SOX6: variants seen among roughly 807,000 people sequenced by gnomAD.
SOX6 encodes the protein transcription factor SOX-6.
In SOX6, 11 loss-of-function variants were observed where a neutral mutation model predicts 97.8. The observed-to-expected ratio is 0.11, with a 90% CI of 0.07 to 0.19. SOX6 has a LOEUF of 0.19. Ranked by LOEUF, SOX6 falls within the 10% of genes least tolerant of loss-of-function variation. The pLI, the probability that SOX6 is intolerant of heterozygous loss-of-function variation, is 1.00. For synonymous variants in SOX6, 360 were observed against 371.4 expected (o/e 0.97, Z 0.35); for missense variants, 810 against 1,039.5 (o/e 0.78, Z 3.04).
intron 4 of SOX6, among the ~76,000 whole-genome samples, chr11:16,590,066 G>A (rs184294724): frequency 3.3e-5 from 5 of 152,262 alleles, no homozygotes; most frequent in South Asian, 2.1e-4. Flanking sequence ...TCAGCACTGC[G>A]TAATGCAAAA....
At chr11:16,446,295 G>A (rs1859609823) in intron 1 of SOX6, among the ~76,000 whole-genome samples, 1 of 152,016 alleles carries the variant, frequency 6.6e-6, no homozygotes, top group Non-Finnish European at 1.5e-5. Context: ...GAAAGAGACA[G>A]AAAGTAGGAG....
chr11:16,702,212 T>A (rs924347075), intron 3 of SOX6, among the ~76,000 whole-genome samples: 1 of 152,120 alleles, frequency 6.6e-6, no homozygotes, highest in Non-Finnish European at 1.5e-5. Context: ...TACCAACAAT[T>A]TAGGCAGCTG....
intron 3 of SOX6, among the ~76,000 whole-genome samples, chr11:16,636,894 C>T (rs1848798025): frequency 6.6e-6 from 1 of 152,192 alleles, no homozygotes; most frequent in African/African-American, 2.4e-5. Context: ...TTCCTGAGGC[C>T]TACCCAGCTC....
At chr11:16,386,976 A>C (rs1858006490) in intron 1 of SOX6, among the ~76,000 whole-genome samples, 1 of 152,190 alleles carries the variant, frequency 6.6e-6, no homozygotes, top group Non-Finnish European at 1.5e-5. Flanking sequence ...AAAATTATAC[A>C]AAAGGTAAAA....
At chr11:16,650,072 C>A (rs1038565017) in intron 3 of SOX6, among the ~76,000 whole-genome samples, 2 of 152,050 alleles carry the variant, frequency 1.3e-5, no homozygotes, top group Admixed American at 1.3e-4. Flanking sequence ...AATAGTCCAA[C>A]AGGAAAATAT....
Position 16,045,905 on chromosome 11 carries a change from ATT to A in SOX6, c.1623+607_1623+608del, listed in dbSNP as rs200901080. The stretch of plus-strand genomic sequence containing the variant: ...CATTACATTTTCTATTTAATTGTTT[ATT>A]TCTTCATTGTCTGTGTTCTCCTATT... On this transcript the variant is annotated intron_variant, in intron 12 of 15. Coordinates refer to ENST00000683767, the MANE Select transcript of SOX6 (RefSeq NM_001367873.1). Among the ~76,000 whole-genome samples, 262 of 152,118 alleles carry A rather than the reference ATT, an allele frequency of 1.7e-3. 2 individuals are homozygous for A. In the East Asian group the frequency reaches 0.045, roughly 26 times the overall value.
rs1380796809 is a variant in SOX6 at position 16,300,558 on chromosome 11, G to C, written c.445+17888C>G. On this transcript the variant is annotated intron_variant, in intron 3 of 15. Transcript: ENST00000683767. This position sits in a 1 kb window ranked among gnomAD's most constrained non-coding sequence, Gnocchi z 4.1. ...CTTTTACAAGTGAGGTGACTATTCA[G>C]TCTAATGCAATCCTCTCAGTGCTGG... 6.6e-6 allele frequency among the ~76,000 whole-genome samples: 1 copy of C among 152,150 alleles called. No individual in the cohort carries two copies. The highest frequency in any genetic ancestry group is 6.5e-5 in the Admixed American group (1 of 15,272).
intron 2 of SOX6, among the ~76,000 whole-genome samples, chr11:16,728,435 A>G (rs991406687): frequency 2.0e-5 from 3 of 152,228 alleles, no homozygotes; most frequent in African/African-American, 7.2e-5. Context: ...AGCCAGGCAA[A>G]CAGGGTCTGG....
At position 16,055,976 on chromosome 11, in the gene SOX6, A is replaced by G. The variant is rs956060430; in HGVS notation, c.1102-75T>C. 4.4e-5 allele frequency: 67 copies of G among 1,505,986 alleles called. No individual in the cohort carries two copies. The African/African-American group carries it at 7.4e-4, about 17-fold the overall frequency. The allele number at this position is 1,505,986 out of a possible 1,614,324, so 93.3% of individuals were successfully genotyped here. ...TGAGTTTCAAAAGAAAAAACTTACC[A>G]TATTGTTAGATTTCTCAGACAGCCT... On this transcript the variant is annotated intron_variant, in intron 9 of 15. Coordinates refer to ENST00000683767, the MANE Select transcript of SOX6 (RefSeq NM_001367873.1).
At chr11:16,033,176 C>T (rs1232868998) in intron 12 of SOX6, among the ~76,000 whole-genome samples, 1 of 152,168 alleles carries the variant, frequency 6.6e-6, no homozygotes, top group Non-Finnish European at 1.5e-5. Context: ...TCCTACCTAA[C>T]GCTCTGTGAC....
chr11:16,058,751 C>T (rs985229009), intron 9 of SOX6, among the ~76,000 whole-genome samples: 2 of 152,048 alleles, frequency 1.3e-5, no homozygotes, highest in South Asian at 2.1e-4. Flanking sequence ...CACCATGGCA[C>T]ATCACTCATT....
chr11:16,528,695 A>C (rs1861200474), intron 4 of SOX6, among the ~76,000 whole-genome samples: 1 of 152,136 alleles, frequency 6.6e-6, no homozygotes, highest in South Asian at 2.1e-4. Context: ...AGAAATGAGC[A>C]CAACAATGAG....
chr11:16,202,929 C>A (rs1045579350), intron 4 of SOX6, among the ~76,000 whole-genome samples: 1 of 152,010 alleles, frequency 6.6e-6, no homozygotes, highest in African/African-American at 2.4e-5. Context: ...CATAGAAAAT[C>A]TATGACATGA....
At chr11:16,365,958 T>C (rs1857348517) in intron 1 of SOX6, among the ~76,000 whole-genome samples, 1 of 152,152 alleles carries the variant, frequency 6.6e-6, no homozygotes, top group Non-Finnish European at 1.5e-5. Flanking sequence ...ATCACAGCTT[T>C]AAGCTTAATA....
intron 6 of SOX6, among the ~76,000 whole-genome samples, chr11:16,149,039 T>C (rs536611560): frequency 1.3e-5 from 2 of 152,138 alleles, no homozygotes; most frequent in Admixed American, 6.6e-5. Context: ...TGGTTAAAGT[T>C]TGTCAGCTCC....
chr11:16,171,550 A>C (rs1292420962), intron 6 of SOX6, among the ~76,000 whole-genome samples: 1 of 151,988 alleles, frequency 6.6e-6, no homozygotes, highest in Non-Finnish European at 1.5e-5. Context: ...ATCTTTTTTT[A>C]AATTTTAAAC....
intron 13 of SOX6, among the ~76,000 whole-genome samples, chr11:16,008,745 T>C (rs1854629177): frequency 6.6e-6 from 1 of 152,160 alleles, no homozygotes; most frequent in Non-Finnish European, 1.5e-5. Context: ...TTAAGAGAGC[T>C]GCACTTTATA....
At chr11:16,678,392 A>C (rs1847900905) in intron 3 of SOX6, among the ~76,000 whole-genome samples, 1 of 152,182 alleles carries the variant, frequency 6.6e-6, no homozygotes, top group Non-Finnish European at 1.5e-5. Flanking sequence ...TCTTTTTAAA[A>C]TCTATTTATT....
chr11:16,084,363 G>C (rs1434079952), intron 9 of SOX6, among the ~76,000 whole-genome samples: 1 of 151,736 alleles, frequency 6.6e-6, no homozygotes, highest in African/African-American at 2.4e-5. Context: ...TTGCTTAAAA[G>C]AGTACCTAAG....
Sources: gnomAD v4.1 joint callset for allele counts (sites outside exome capture counted in the v4.1 genomes callset) on GRCh38, gnomAD v4.1.1 for gene constraint, Gnocchi (gnomAD v3.1) non-coding constraint, MANE v1.5 for transcripts, NCBI Gene and HGNC (gene_info 2026-07-23, HGNC 2026-07-21) for gene names.